Variants in MYO15A observed in about 807,000 individuals in gnomAD.
MYO15A encodes the protein unconventional myosin-XV.
MYO15A carries 308 observed loss-of-function variants against 394.6 expected under a neutral mutation model. The observed-to-expected ratio is 0.78, with a 90% CI of 0.71 to 0.86. The LOEUF is 0.86. Among genes scored for constraint, MYO15A ranks in the 40% least tolerant of loss-of-function variants. The pLI, the probability that MYO15A is intolerant of heterozygous loss-of-function variation, is 0.00. For missense variants in MYO15A, 4,606 were observed against 4,799.1 expected (o/e 0.96, Z 1.19); for synonymous variants, 1,957 against 2,003.8 (o/e 0.98, Z 0.62).
intron 60 of MYO15A, 136 bp downstream of exon 60, chr17:18,163,974 A>G: frequency 5.9e-6 from 5 of 848,394 alleles, no homozygotes; most frequent in Non-Finnish European, 9.7e-6. Context: ...CCCCATGTGG[A>G]AGGATCTCTG....
At chr17:18,136,374 A>C in intron 13 of MYO15A, 43 bp from the exon 14 acceptor site, 1 of 1,611,862 alleles carries the variant, frequency 6.2e-7, no homozygotes, top group Non-Finnish European at 8.5e-7. Context: ...CCGGAGGCAG[A>C]GTGGCCAGCC....
intron 65 of MYO15A, chr17:18,177,154 C>G (rs1194276568): frequency 6.6e-6 from 1 of 152,210 alleles, no homozygotes; most frequent in South Asian, 2.1e-4. Flanking sequence ...CAGTATAGAT[C>G]CACTGAGCAT....
Position 18,119,346 on chromosome 17 carries a change from G to C in MYO15A, c.546G>C (p.Arg182=), listed in dbSNP as rs562885584. 81 of 1,609,242 alleles carry C rather than the reference G, an allele frequency of 5.0e-5. No homozygotes were observed. The African/African-American group carries it at 1.0e-3, about 20-fold the overall frequency. The change falls in exon 2 of 66, where the codon CGG becomes CGC. Residue 182 remains arginine (R), a synonymous_variant. Transcript: ENST00000647165. ...LPFPSGAEIL[R]PGGRLRRFPR... ...TCCCGTCGGGTGCCGAGATCCTGCG[G>C]CCTGGGGGCCGGCTCCGGAGGTTCC... is the stretch of plus-strand genomic sequence containing the variant.
rs115647199 is a variant in MYO15A at position 18,154,763 on chromosome 17, G to C, written c.8224+8G>C. On this transcript the variant is annotated splice_region_variant and intron_variant, in intron 45 of 65. Transcript: ENST00000647165. ...GGATGAAGGCCTTGTTTGGTATCTC[G>C]GGGGAGAGGAGGGGTACTGATGGGG... 229 of 1,613,026 alleles carry C rather than the reference G, an allele frequency of 1.4e-4. 1 individual carries two copies. In the African/African-American group the frequency reaches 2.7e-3, roughly 19 times the overall value.
At chr17:18,157,650 T>C in intron 50 of MYO15A, 72 bp from the exon 51 acceptor site, 1 of 1,593,078 alleles carries the variant, frequency 6.3e-7, no homozygotes, top group Non-Finnish European at 8.5e-7. Flanking sequence ...TGTTCCCAAA[T>C]CTCCCTAAAG....
Position 18,158,999 on chromosome 17 carries a change from T to G in MYO15A, c.9156+2T>G. ...GAGGACATGCTTTGCTTCACCAAGG[T>G]GTCCAGTCCCGGACCTCAGTTTCCC... On this transcript the variant is annotated splice_donor_variant, in intron 53 of 65. Coordinates refer to ENST00000647165, the MANE Select transcript of MYO15A (RefSeq NM_016239.4). LOFTEE classifies it high-confidence loss of function. 6.2e-7 allele frequency: 1 copy of G among 1,613,764 alleles called. No homozygotes were observed. Among genetic ancestry groups the G allele is most frequent in the Non-Finnish European group, 8.5e-7 (1 of 1,179,774 alleles).
chr17:18,131,626 T>C (rs1052130814), intron 10 of MYO15A, 95 bp downstream of exon 10: 5 of 1,435,696 alleles, frequency 3.5e-6, no homozygotes, highest in Admixed American at 1.8e-5. Flanking sequence ...TAGGTAGACG[T>C]CAAATTAATG....
At chr17:18,134,625 G>T (rs189024750) in intron 12 of MYO15A, among the ~76,000 whole-genome samples, 1 of 152,284 alleles carries the variant, frequency 6.6e-6, no homozygotes, top group African/African-American at 2.4e-5. Context: ...GCTCATGCCT[G>T]TAATCCCAAC....
chr17:18,141,790 CAG>C lies in MYO15A; in HGVS notation c.5649+21_5649+22del. The C allele has an allele frequency of 6.2e-7, 1 of 1,612,386 alleles. No homozygotes were observed. The highest frequency in any genetic ancestry group is 8.5e-7 in the Non-Finnish European group (1 of 1,178,648). On this transcript the variant is annotated intron_variant, in intron 23 of 65. Transcript: ENST00000647165. ...AGCAAGGTGAGTCCTGCCCGACAGT[CAG>C]CCCTTGGAGACCCCAAGTTTGGGGG...
rs1162901753 is a variant in MYO15A, at chr17:18,167,627, TGCCGGCCA to T, written c.9994_10001del (p.Ser3332GlnfsTer117). ...TACCTGAAGGGACTCTTCAGCAGTG[TGCCGGCCA>T]GCCGGCCCAGCGAGCAGCTGCTGCA... On this transcript the variant is annotated frameshift_variant, in exon 62 of 66. Transcript: ENST00000647165. LOFTEE classifies it high-confidence loss of function. 2 of 1,603,866 alleles carry T rather than the reference TGCCGGCCA, an allele frequency of 1.2e-6. No individual in the cohort carries two copies. The highest frequency in any genetic ancestry group is 1.7e-6 in the Non-Finnish European group (2 of 1,179,948).
At chr17:18,172,981 G>A (rs1436262277) in intron 64 of MYO15A, among the ~76,000 whole-genome samples, 3 of 152,158 alleles carry the variant, frequency 2.0e-5, no homozygotes, top group Non-Finnish European at 4.4e-5. Context: ...CTGCGACAGG[G>A]ATTCCAGGGC....
intron 11 of MYO15A, 79 bp from the exon 12 acceptor site, chr17:18,133,146 T>G: frequency 1.4e-6 from 2 of 1,479,502 alleles, no homozygotes; most frequent in Non-Finnish European, 1.9e-6. Context: ...ACCACACTAC[T>G]GGTCAGGGCA....
rs912643855 is a variant in MYO15A at position 18,144,581 on chromosome 17, A to C, written c.6262A>C (p.Ile2088Leu). 1 of 1,612,530 alleles carries C rather than the reference A, an allele frequency of 6.2e-7. No homozygotes were observed. The highest frequency in any genetic ancestry group is 8.5e-7 in the Non-Finnish European group (1 of 1,179,968). ...PAEHHAEAVS[I>L]FKLILRFMGD... Reference sequence around the variant, plus strand: ...CGAGCACCATGCAGAAGCCGTGAGCATCTTCAAGCTGGTATGGGGTCTGCC... The same window carrying C: ...CGAGCACCATGCAGAAGCCGTGAGCCTCTTCAAGCTGGTATGGGGTCTGCC... Residue 2088 changes from isoleucine (I) to leucine (L), a missense_variant, in exon 29 of 66, where the codon ATC (isoleucine) becomes CTC (leucine). Ile to Leu is a conservative substitution (Grantham distance 5). This residue lies in a region of MYO15A where 2,776 missense variants were observed against 3,109.3 expected (regional missense o/e 0.89). Transcript: ENST00000647165.
chr17:18,134,944 T>C, intron 12 of MYO15A, among the ~76,000 whole-genome samples: 1 of 152,054 alleles, frequency 6.6e-6, no homozygotes, highest in East Asian at 1.9e-4. Flanking sequence ...ACAGTGGCAC[T>C]TTCATAGCTC....
Position 18,179,099 on chromosome 17 carries a change from C to G in MYO15A, c.*229C>G. 1 of 607,522 alleles carries G rather than the reference C, an allele frequency of 1.6e-6. No homozygotes were observed. The highest frequency in any genetic ancestry group is 3.0e-6 in the Non-Finnish European group (1 of 338,900). The allele number at this position is 607,522 out of a possible 1,614,324, so 37.6% of individuals were successfully genotyped here. ...TGGATCAGATAGCAGGAGGAACTTT[C>G]AAAAGTCTGGCCCACTGTGCAGTGG... On this transcript the variant is annotated 3_prime_UTR_variant, in exon 66 of 66. Transcript: ENST00000647165.
intron 47 of MYO15A, 91 bp downstream of exon 47, chr17:18,155,523 AC>A: frequency 8.4e-7 from 1 of 1,196,720 alleles, no homozygotes; most frequent in Non-Finnish European, 1.2e-6. Context: ...CTTACCAAGT[AC>A]CCATGATGCG....
chr17:18,166,141 C>T (rs1052423378), intron 60 of MYO15A, among the ~76,000 whole-genome samples: 15 of 152,230 alleles, frequency 9.9e-5, no homozygotes, highest in African/African-American at 3.6e-4. Context: ...GAGTTATTAC[C>T]ATCTGTGGTC....
chr17:18,110,103 A>G (rs984746140), intron 1 of MYO15A: 1 of 150,854 alleles, frequency 6.6e-6, no homozygotes, highest in African/African-American at 2.5e-5. Flanking sequence ...GCGTTCCCAT[A>G]CCCCCGGCCT....
Position 18,153,622 on chromosome 17 carries a change from C to T in MYO15A, c.7967-153C>T, listed in dbSNP as rs2046622230. On this transcript the variant is annotated intron_variant, in intron 42 of 65. Coordinates refer to ENST00000647165, the MANE Select transcript of MYO15A (RefSeq NM_016239.4). This position sits in a 1 kb window ranked among gnomAD's most constrained non-coding sequence, Gnocchi z 4.1. ...CTGAGGCAGGAGAATCGCTTGAACC[C>T]AGGAGGCGGAGCTTGCAGTGGGCCG... The T allele has an allele frequency of 1.4e-6, 1 of 719,918 alleles. No homozygotes were observed. The allele number at this position is 719,918 out of a possible 1,614,324, so 44.6% of individuals were successfully genotyped here.
Sources: allele counts gnomAD v4.1 joint callset (sites outside exome capture counted in the v4.1 genomes callset), GRCh38; gene constraint gnomAD v4.1.1; regional missense constraint gnomAD v4.1.1; non-coding constraint Gnocchi (gnomAD v3.1); transcripts MANE v1.5; gene names NCBI Gene and HGNC (gene_info 2026-07-23, HGNC 2026-07-21).